The following PCDHGA3 variants were observed in gnomAD, a reference collection of about 807,000 sequenced individuals.
The protein encoded by PCDHGA3 is protocadherin gamma-A3.
In PCDHGA3, 40 loss-of-function variants were observed where a neutral mutation model predicts 58.5. The observed-to-expected ratio is 0.68, with a 90% confidence interval of 0.53 to 0.89. The LOEUF is 0.89. PCDHGA3 is among the 40% of genes least tolerant of loss of function. The probability of loss-of-function intolerance (pLI) is 0.00; values close to 1 mark genes in which losing one functional copy is unlikely to be tolerated. For synonymous variants in PCDHGA3, 530 were observed against 525.7 expected (o/e 1.01, Z -0.11); for missense variants, 1,223 against 1,195.9 (o/e 1.02, Z -0.33).
At chr5:141,440,579 C>G (rs1004258822) in intron 1 of PCDHGA3, 12 of 152,188 alleles carry the variant, frequency 7.9e-5, no homozygotes, top group African/African-American at 2.7e-4. Flanking sequence ...TGAGTTTACC[C>G]AGCTGGAACA....
At chr5:141,352,051 C>G (rs1319194846) in intron 1 of PCDHGA3, 2 of 1,607,206 alleles carry the variant, frequency 1.2e-6, no homozygotes, top group East Asian at 2.2e-5. Flanking sequence ...CAGGACACAA[C>G]GCTTGGCTGT....
intron 1 of PCDHGA3, among the ~76,000 whole-genome samples, chr5:141,407,170 AC>A (rs2154538102): frequency 6.6e-6 from 1 of 152,368 alleles, no homozygotes; most frequent in Admixed American, 6.5e-5. Flanking sequence ...ATCCTTTATG[AC>A]ATACAGACAT....
intron 1 of PCDHGA3, among the ~76,000 whole-genome samples, chr5:141,369,405 G>A (rs537824749): frequency 6.6e-6 from 1 of 152,288 alleles, no homozygotes; most frequent in Admixed American, 6.5e-5. Flanking sequence ...GGTGGTTCAT[G>A]ACTATAATCC....
At chr5:141,463,438 C>CTTTTTTT (rs71576115) in intron 1 of PCDHGA3, among the ~76,000 whole-genome samples, 6 of 103,252 alleles carry the variant, frequency 5.8e-5, no homozygotes, top group African/African-American at 1.3e-4. Flanking sequence ...TTTCCTTCTC[C>CTTTTTTT]TTTTTTTTTT....
intron 1 of PCDHGA3, chr5:141,479,269 A>G (rs1279389471): frequency 6.6e-6 from 1 of 152,374 alleles, no homozygotes; most frequent in African/African-American, 2.4e-5. Flanking sequence ...TAAAAGTAAT[A>G]ATTTATTTCA....
intron 1 of PCDHGA3, among the ~76,000 whole-genome samples, chr5:141,444,933 G>A (rs1004890599): frequency 3.3e-5 from 5 of 152,152 alleles, no homozygotes; most frequent in African/African-American, 1.2e-4. Context: ...AAAGAGGGAA[G>A]GAGGGAGGAG....
intron 1 of PCDHGA3, chr5:141,352,252 G>T: frequency 6.2e-7 from 1 of 1,614,086 alleles, no homozygotes; most frequent in Non-Finnish European, 8.5e-7. Context: ...CGGATAGCCT[G>T]CAAGAGGTAT....
chr5:141,467,162 C>T (rs765574629), intron 1 of PCDHGA3, among the ~76,000 whole-genome samples: 1 of 151,724 alleles, frequency 6.6e-6, no homozygotes, highest in Non-Finnish European at 1.5e-5. Flanking sequence ...AAGTGATTCT[C>T]ATCTCTCAGC....
Position 141,432,331 on chromosome 5 carries a change from G to A in PCDHGA3, c.2425-62476G>A, listed in dbSNP as rs763952193. Reference sequence around the variant, plus strand: ...CGCTGAGCTCCTTCGACTACGAGCAGTTCCGAGACTTGCAAGTGAAAGTGA... The same window carrying A: ...CGCTGAGCTCCTTCGACTACGAGCAATTCCGAGACTTGCAAGTGAAAGTGA... On this transcript the variant is annotated intron_variant, in intron 1 of 3. Transcript: ENST00000253812. The surrounding 1 kb of genome is among the most constrained non-coding windows in gnomAD (Gnocchi z 6.0). The A allele has an allele frequency of 1.2e-6, 2 of 1,614,278 alleles. No individual in the cohort carries two copies. Among genetic ancestry groups the A allele is most frequent in the East Asian group, 2.2e-5 (1 of 44,888 alleles).
chr5:141,352,064 T>C, intron 1 of PCDHGA3: 1 of 1,605,664 alleles, frequency 6.2e-7, no homozygotes, highest in Non-Finnish European at 8.5e-7. Context: ...TTGGCTGTCC[T>C]ACCACGTGCT....
chr5:141,352,561 A>G, intron 1 of PCDHGA3: 1 of 1,613,960 alleles, frequency 6.2e-7, no homozygotes, highest in Non-Finnish European at 8.5e-7. Context: ...TCAACCTGAC[A>G]CCGGAAATGG....
At chr5:141,419,934 T>C (rs1427601115) in intron 1 of PCDHGA3, 3 of 1,613,952 alleles carry the variant, frequency 1.9e-6, no homozygotes, top group Non-Finnish European at 2.5e-6. Flanking sequence ...CAGTTTTACC[T>C]GGTGGTGGCC....
intron 1 of PCDHGA3, chr5:141,442,380 T>G (rs1235241143): frequency 2.6e-5 from 4 of 152,244 alleles, no homozygotes; most frequent in Non-Finnish European, 4.4e-5. Flanking sequence ...TCCTACCAGG[T>G]GTGTGCTTCT....
At chr5:141,492,449 T>C (rs1045043841) in intron 1 of PCDHGA3, among the ~76,000 whole-genome samples, 50 of 152,314 alleles carry the variant, frequency 3.3e-4, no homozygotes, top group African/African-American at 1.2e-3. Flanking sequence ...TAGCTGATTG[T>C]GCGCGCCTGA....
At chr5:141,400,929 A>G (rs1179035412) in intron 1 of PCDHGA3, among the ~76,000 whole-genome samples, 2 of 152,214 alleles carry the variant, frequency 1.3e-5, no homozygotes, top group Non-Finnish European at 2.9e-5. Flanking sequence ...CTGCTAGTAG[A>G]TGTCTTTCTT....
At chr5:141,414,921 G>T (rs746806079) in intron 1 of PCDHGA3, 22 of 1,613,992 alleles carry the variant, frequency 1.4e-5, no homozygotes, top group East Asian at 4.5e-5. Context: ...TGGAGCTGGC[G>T]CCCCGCTCCG....
chr5:141,399,896 T>G (rs1271195619), intron 1 of PCDHGA3: 2 of 1,612,518 alleles, frequency 1.2e-6, no homozygotes, highest in Non-Finnish European at 8.5e-7. Flanking sequence ...GTAGTGGCCG[T>G]GGACGCAGAC....
intron 1 of PCDHGA3, chr5:141,387,711 C>T: frequency 9.6e-7 from 1 of 1,041,396 alleles, no homozygotes; most frequent in Non-Finnish European, 1.4e-6. Flanking sequence ...GCAGCCCCAG[C>T]TCAGACTCCC....
chr5:141,458,463 C>T (rs749353395), intron 1 of PCDHGA3, among the ~76,000 whole-genome samples: 15 of 151,844 alleles, frequency 9.9e-5, no homozygotes, highest in Admixed American at 8.5e-4. Flanking sequence ...TTTAAAATAC[C>T]GTACAACTGC....
Sources: gnomAD v4.1 joint callset for allele counts (sites outside exome capture counted in the v4.1 genomes callset) on GRCh38, gnomAD v4.1.1 for gene constraint, Gnocchi (gnomAD v3.1) non-coding constraint, MANE v1.5 for transcripts, NCBI Gene and HGNC (gene_info 2026-07-23, HGNC 2026-07-21) for gene names.